The following MTMR14 variants were observed in gnomAD, a reference collection of about 807,000 sequenced individuals.
MTMR14 encodes the protein myotubularin related protein 14.
MTMR14 carries 48 observed loss-of-function variants against 86.3 expected under a neutral mutation model. The observed-to-expected ratio is 0.56, with a 90% CI of 0.44 to 0.71. The LOEUF is 0.71. MTMR14 is among the 30% of genes least tolerant of loss of function. The probability of loss-of-function intolerance (pLI) is 0.00; values close to 1 mark genes in which losing one functional copy is unlikely to be tolerated. For synonymous variants in MTMR14, 366 were observed against 326.1 expected, an observed-to-expected ratio of 1.12 and a Z score of -1.32; for missense variants, 780 against 834.6, an observed-to-expected ratio of 0.93 and a Z score of 0.81.
chr3:9,700,257 T>C (rs560639535), intron 18 of MTMR14: 1 of 152,410 alleles, frequency 6.6e-6, no homozygotes, highest in East Asian at 1.9e-4. Flanking sequence ...CAGGGATTGG[T>C]TTCTTGAGGG....
At chr3:9,665,814 C>T (rs919869556) in intron 3 of MTMR14, among the ~76,000 whole-genome samples, 3 of 150,750 alleles carry the variant, frequency 2.0e-5, no homozygotes, top group Non-Finnish European at 3.0e-5. Context: ...CTGCAAGCTC[C>T]GCCTCCCGGG....
At chr3:9,683,071 A>ACCTTGTG in intron 9 of MTMR14, 107 bp from the exon 10 acceptor site, 1 of 979,346 alleles carries the variant, frequency 1.0e-6, no homozygotes, top group Admixed American at 2.0e-5. Flanking sequence ...GTAACCAAGG[A>ACCTTGTG]CCTTGTGTAG....
intron 14 of MTMR14, among the ~76,000 whole-genome samples, chr3:9,688,145 A>G (rs778413919): frequency 1.3e-5 from 2 of 152,196 alleles, no homozygotes; most frequent in Non-Finnish European, 2.9e-5. Flanking sequence ...GGGACAGACG[A>G]GTGGTCTCTC....
In MTMR14 at chr3:9,662,385, A is replaced by T; in HGVS notation, c.417+10A>T. The T allele has an allele frequency of 6.2e-7, 1 of 1,604,450 alleles. No homozygotes were observed. Among genetic ancestry groups the T allele is most frequent in the Non-Finnish European group, 8.5e-7 (1 of 1,171,488 alleles). On this transcript the variant is annotated intron_variant, in intron 3 of 18. Coordinates refer to ENST00000296003, the MANE Select transcript of MTMR14 (RefSeq NM_001077525.3). ...CCTGTTCAAGGGCAAGGTAAGGCCCATACCATAGCTTCATGCTCCACGACT... is the reference window on the plus strand; with the variant it reads ...CCTGTTCAAGGGCAAGGTAAGGCCCTTACCATAGCTTCATGCTCCACGACT...
At position 9,684,635 on chromosome 3, in the gene MTMR14, CT is replaced by C; in HGVS notation, c.1016del (p.Leu339ProfsTer20). 2.5e-6 allele frequency: 4 copies of C among 1,614,202 alleles called. No homozygotes were observed. Among genetic ancestry groups the C allele is most frequent in the Non-Finnish European group, 3.4e-6 (4 of 1,180,040 alleles). ...TATCTCAGGCTGGGATCGGACCCCC[CT>C]CTTCATCTCCCTCCTGCGCCTTTCC... ...HCISGWDRTP[L>X]FISLLRLSLW... On this transcript the variant is annotated frameshift_variant, in exon 11 of 19. Coordinates refer to ENST00000296003, the MANE Select transcript of MTMR14 (RefSeq NM_001077525.3). LOFTEE classifies it high-confidence loss of function.
intron 2 of MTMR14, chr3:9,659,521 G>T: frequency 2.9e-6 from 1 of 345,966 alleles, no homozygotes; most frequent in Non-Finnish European, 5.7e-6. Flanking sequence ...TCTGCTCACC[G>T]CAACCTCCGC....
chr3:9,694,892 C>G (rs1396199496), intron 17 of MTMR14, among the ~76,000 whole-genome samples: 1 of 152,202 alleles, frequency 6.6e-6, no homozygotes, highest in Non-Finnish European at 1.5e-5. Context: ...GAGCCGCATC[C>G]AACTAAGGAA....
intron 5 of MTMR14, among the ~76,000 whole-genome samples, chr3:9,670,308 T>G (rs2048498582): frequency 6.6e-6 from 1 of 152,224 alleles, no homozygotes; most frequent in Admixed American, 6.5e-5. Context: ...TGTTTGGCTC[T>G]TCTCCCTAGA....
At chr3:9,685,171 T>C (rs376294561) in intron 12 of MTMR14, 40 bp from the exon 13 acceptor site, 23 of 1,613,940 alleles carry the variant, frequency 1.4e-5, no homozygotes, top group Non-Finnish European at 1.9e-5. Context: ...CTTGTCATCT[T>C]GGTGCTGCTG....
intron 16 of MTMR14, 25 bp downstream of exon 16, chr3:9,689,107 G>C: frequency 6.2e-7 from 1 of 1,605,776 alleles, no homozygotes; most frequent in South Asian, 1.1e-5. Flanking sequence ...TTGGACCAAG[G>C]TCACTCACAG....
At chr3:9,685,487 A>G (rs1465924680) in intron 13 of MTMR14, among the ~76,000 whole-genome samples, 2 of 152,146 alleles carry the variant, frequency 1.3e-5, no homozygotes, top group Non-Finnish European at 2.9e-5. Context: ...CGGGGTGAGC[A>G]GTTACATGAC....
At chr3:9,652,890 T>C (rs1315530383) in intron 1 of MTMR14, among the ~76,000 whole-genome samples, 1 of 152,070 alleles carries the variant, frequency 6.6e-6, no homozygotes, top group Non-Finnish European at 1.5e-5. Context: ...TGCAGTGAGC[T>C]GAGATCGTGC....
chr3:9,669,617 T>C, intron 5 of MTMR14, 125 bp downstream of exon 5: 1 of 983,098 alleles, frequency 1.0e-6, no homozygotes, highest in Non-Finnish European at 1.5e-6. Flanking sequence ...GGCTTCTTCC[T>C]CTTCTGTCTG....
chr3:9,651,222 C>T (rs907780671), intron 1 of MTMR14, among the ~76,000 whole-genome samples: 10 of 152,148 alleles, frequency 6.6e-5, no homozygotes, highest in Non-Finnish European at 2.9e-5. Context: ...CCACTTAAGC[C>T]TGCCAAGCAC....
chr3:9,662,411 C>T, intron 3 of MTMR14, 36 bp downstream of exon 3: 10 of 1,561,094 alleles, frequency 6.4e-6, no homozygotes, highest in South Asian at 1.1e-5. Context: ...CTCCACGACT[C>T]TCTTCTGGGG....
intron 13 of MTMR14, among the ~76,000 whole-genome samples, chr3:9,686,126 C>T (rs1181272706): frequency 3.3e-5 from 5 of 152,122 alleles, no homozygotes; most frequent in Middle Eastern, 3.2e-3. Flanking sequence ...TTTGTTCCTC[C>T]GTCTCAGCTG....
intron 1 of MTMR14, chr3:9,650,217 A>C (rs935629392): frequency 2.3e-6 from 1 of 425,624 alleles, no homozygotes; most frequent in African/African-American, 2.0e-5. Context: ...ACTTAGGCCC[A>C]TCCCTTTCCT....
chr3:9,665,547 T>C (rs2048200459), intron 3 of MTMR14, among the ~76,000 whole-genome samples: 7 of 152,074 alleles, frequency 4.6e-5, no homozygotes, highest in Admixed American at 4.6e-4. Context: ...ATTTGGGTGA[T>C]GAGTTAAATA....
chr3:9,655,715 C>T (rs1268029847), intron 2 of MTMR14, among the ~76,000 whole-genome samples: 1 of 151,582 alleles, frequency 6.6e-6, no homozygotes, highest in Non-Finnish European at 1.5e-5. Context: ...GCCGCCTCGG[C>T]CTCCCTAAGT....
Sources: allele counts gnomAD v4.1 joint callset (sites outside exome capture counted in the v4.1 genomes callset), GRCh38; gene constraint gnomAD v4.1.1; transcripts MANE v1.5; gene names NCBI Gene and HGNC (gene_info 2026-07-23, HGNC 2026-07-21).